Variants in TEX11 observed in about 807,000 individuals in gnomAD.
TEX11 encodes the protein testis-expressed protein 11.
A neutral mutation model predicts 84.4 loss-of-function variants in TEX11; 7 were observed. The observed-to-expected ratio is 0.08, with a 90% CI of 0.05 to 0.16. The LOEUF is 0.16. Among genes scored for constraint, TEX11 ranks in the 10% least tolerant of loss-of-function variants. TEX11 has a pLI of 1.00. For synonymous variants in TEX11, 264 were observed against 222.8 expected, an observed-to-expected ratio of 1.18 and a Z score of -1.64; for missense variants, 551 against 660.5, an observed-to-expected ratio of 0.83 and a Z score of 1.82.
At chrX:70,585,075 A>T (rs2147487417) in intron 25 of TEX11, among the ~76,000 whole-genome samples, 1 of 112,052 alleles carries the variant, frequency 8.9e-6, no homozygotes, top group Non-Finnish European at 1.9e-5. Context: ...AAAGGCATCC[A>T]AAGTAAAAAG....
At chrX:70,583,771 C>T (rs937800971) in intron 25 of TEX11, among the ~76,000 whole-genome samples, 1 of 111,542 alleles carries the variant, frequency 9.0e-6, no homozygotes, top group Non-Finnish European at 1.9e-5. Flanking sequence ...AAAGGAAATG[C>T]TTTACACTGC....
At chrX:70,677,235 G>C (rs2090080123) in intron 15 of TEX11, among the ~76,000 whole-genome samples, 1 of 111,539 alleles carries the variant, frequency 9.0e-6, no homozygotes, top group Non-Finnish European at 1.9e-5. Flanking sequence ...TCACACCATA[G>C]GTTTATAATT....
chrX:70,836,837 C>A (rs1270363402), intron 7 of TEX11, among the ~76,000 whole-genome samples: 1 of 110,946 alleles, frequency 9.0e-6, no homozygotes, highest in African/African-American at 3.3e-5. Flanking sequence ...GCCAAGATGG[C>A]AAAGCCCCAT....
chrX:70,769,827 T>C, intron 9 of TEX11, among the ~76,000 whole-genome samples: 1 of 111,830 alleles, frequency 8.9e-6, no homozygotes, highest in East Asian at 2.8e-4. Flanking sequence ...ATACAATTCA[T>C]TATGTTTCCA....
intron 25 of TEX11, among the ~76,000 whole-genome samples, chrX:70,581,958 A>G (rs2088782384): frequency 9.0e-6 from 1 of 111,346 alleles, no homozygotes; most frequent in Non-Finnish European, 1.9e-5. Flanking sequence ...ACCTCTTCGT[A>G]CTCTGAAATA....
At chrX:70,810,784 A>C (rs2091248132) in intron 8 of TEX11, among the ~76,000 whole-genome samples, 1 of 110,582 alleles carries the variant, frequency 9.0e-6, no homozygotes, top group Non-Finnish European at 1.9e-5. Context: ...CCAGAACTTA[A>C]AGTATTAAAA....
At chrX:70,738,629 G>T (rs1418593394) in intron 11 of TEX11, among the ~76,000 whole-genome samples, 2 of 111,973 alleles carry the variant, frequency 1.8e-5, no homozygotes, top group African/African-American at 3.2e-5. Flanking sequence ...AAGTCATTCT[G>T]CTGTAAAGAC....
chrX:70,693,578 G>T (rs2090254670), intron 13 of TEX11, among the ~76,000 whole-genome samples: 2 of 111,572 alleles, frequency 1.8e-5, no homozygotes, highest in Non-Finnish European at 3.8e-5. Flanking sequence ...ATTGAAACAA[G>T]GTAGAATGGT....
intron 24 of TEX11, among the ~76,000 whole-genome samples, chrX:70,599,771 T>A (rs1442138859): frequency 3.8e-5 from 4 of 105,011 alleles, no homozygotes; most frequent in Non-Finnish European, 7.8e-5. Flanking sequence ...TATGCGGTGT[T>A]TGGTTTTCTG....
At chrX:70,766,283 G>T (rs766775855) in intron 9 of TEX11, among the ~76,000 whole-genome samples, 6 of 109,983 alleles carry the variant, frequency 5.5e-5, no homozygotes, top group Non-Finnish European at 1.1e-4. Context: ...ATGGTGGTGC[G>T]TGCCTGTAAT....
intron 12 of TEX11, 144 bp downstream of exon 12, chrX:70,725,118 A>G: frequency 3.0e-6 from 1 of 330,057 alleles, no homozygotes. Context: ...CTGGGTGACA[A>G]TATTTTCCCT....
chrX:70,706,779 T>C (rs2090381162), intron 13 of TEX11, among the ~76,000 whole-genome samples: 1 of 111,044 alleles, frequency 9.0e-6, no homozygotes, highest in African/African-American at 3.3e-5. Flanking sequence ...TCCACTGCTA[T>C]CAACCTAGTT....
intron 11 of TEX11, among the ~76,000 whole-genome samples, chrX:70,739,184 C>G (rs1282580765): frequency 4.5e-5 from 5 of 110,840 alleles, no homozygotes; most frequent in Non-Finnish European, 7.6e-5. Flanking sequence ...TAATGTTGAA[C>G]AAGTTTTTCA....
chrX:70,637,607 T>C (rs1441080405), intron 17 of TEX11, among the ~76,000 whole-genome samples: 1 of 112,162 alleles, frequency 8.9e-6, no homozygotes, highest in Non-Finnish European at 1.9e-5. Flanking sequence ...CCACGTCCTT[T>C]GCAGGGACAT....
At chrX:70,713,278 T>C (rs980298693) in intron 13 of TEX11, among the ~76,000 whole-genome samples, 2 of 111,938 alleles carry the variant, frequency 1.8e-5, no homozygotes, top group African/African-American at 6.5e-5. Flanking sequence ...TCTACCAGGC[T>C]TTGGTATCAG....
intron 13 of TEX11, among the ~76,000 whole-genome samples, chrX:70,715,619 C>T (rs191695983): frequency 0.017 from 1,925 of 112,083 alleles, 37 homozygotes; most frequent in African/African-American, 0.059. Context: ...ACGCAGTTCT[C>T]GTGCCATGGT....
rs769878311 is a variant in TEX11, at chrX:70,688,041, A to G, written c.1005-5216T>C. Among the ~76,000 whole-genome samples, 3 of 111,521 alleles carry G rather than the reference A, an allele frequency of 2.7e-5. No homozygotes were observed. The Admixed American group carries it at 2.9e-4, about 11-fold the overall frequency. On this transcript the variant is annotated intron_variant, in intron 13 of 29. Transcript: ENST00000374333. ...GTACATTATGTCATCAGAACCCTGG[A>G]AGAGGAGAAGAAAGGTAGGGCAGAA...
intron 13 of TEX11, among the ~76,000 whole-genome samples, chrX:70,700,483 G>A (rs1458547087): frequency 9.0e-6 from 1 of 110,664 alleles, no homozygotes; most frequent in Non-Finnish European, 1.9e-5. Flanking sequence ...AATTGTTTTG[G>A]GGTACCATAA....
intron 25 of TEX11, among the ~76,000 whole-genome samples, chrX:70,562,704 T>C (rs987216993): frequency 3.6e-5 from 4 of 112,108 alleles, no homozygotes; most frequent in African/African-American, 1.3e-4. Context: ...AATCTACTCT[T>C]TGTGGCATAT....
Sources: allele counts gnomAD v4.1 joint callset (sites outside exome capture counted in the v4.1 genomes callset), GRCh38; gene constraint gnomAD v4.1.1; transcripts MANE v1.5; gene names NCBI Gene and HGNC (gene_info 2026-07-23, HGNC 2026-07-21).